NPAS3: variants seen among roughly 807,000 people sequenced by gnomAD.
NPAS3 encodes neuronal PAS domain-containing protein 3.
A neutral mutation model predicts 73.1 loss-of-function variants in NPAS3; 14 were observed. The ratio of observed to expected loss-of-function variants is 0.19; its 90% confidence interval spans 0.13 to 0.30. The LOEUF (loss-of-function observed/expected upper bound fraction) is 0.30. Among genes scored for constraint, NPAS3 ranks in the 10% least tolerant of loss-of-function variants. The probability of loss-of-function intolerance (pLI) is 1.00; values close to 1 mark genes in which losing one functional copy is unlikely to be tolerated. For missense variants in NPAS3, 1,096 were observed against 1,250.0 expected (o/e 0.88, Z 1.86); for synonymous variants, 620 against 541.5 (o/e 1.14, Z -2.01).
chr14:33,047,726 CA>C (rs35481829), intron 1 of NPAS3, among the ~76,000 whole-genome samples: 34 of 152,282 alleles, frequency 2.2e-4, no homozygotes, highest in Non-Finnish European at 3.8e-4. Flanking sequence ...GTAGTTTACA[CA>C]AATGTGAAGG....
intron 3 of NPAS3, among the ~76,000 whole-genome samples, chr14:33,364,638 G>A (rs2045753638): frequency 6.6e-6 from 1 of 152,094 alleles, no homozygotes; most frequent in African/African-American, 2.4e-5. Context: ...AGATTTCTAG[G>A]GGGTTTGGAG....
intron 4 of NPAS3, among the ~76,000 whole-genome samples, chr14:33,409,332 T>A (rs969746206): frequency 2.6e-5 from 4 of 152,160 alleles, no homozygotes; most frequent in South Asian, 2.1e-4. Flanking sequence ...CTTTCCCACT[T>A]TGGTGGCCTT....
intron 2 of NPAS3, among the ~76,000 whole-genome samples, chr14:33,117,299 G>T (rs561119508): frequency 2.6e-5 from 4 of 152,040 alleles, no homozygotes; most frequent in Admixed American, 6.5e-5. Flanking sequence ...GGGGATCATA[G>T]TCAAACTCTA....
chr14:33,793,252 T>TC (rs2063415728), intron 9 of NPAS3, among the ~76,000 whole-genome samples: 1 of 152,234 alleles, frequency 6.6e-6, no homozygotes, highest in Admixed American at 6.5e-5. Flanking sequence ...ATTCTGTGCC[T>TC]CCCTTAGGCC....
At chr14:33,625,387 G>C (rs568696192) in intron 5 of NPAS3, among the ~76,000 whole-genome samples, 1 of 152,316 alleles carries the variant, frequency 6.6e-6, no homozygotes, top group South Asian at 2.1e-4. Context: ...TTCCTTTGCT[G>C]TAACAACAGG....
At chr14:32,965,228 T>C (rs1419803551) in intron 1 of NPAS3, among the ~76,000 whole-genome samples, 1 of 152,056 alleles carries the variant, frequency 6.6e-6, no homozygotes, top group Non-Finnish European at 1.5e-5. Flanking sequence ...AGGCTAACAT[T>C]ACCCTGATAC....
intron 4 of NPAS3, among the ~76,000 whole-genome samples, chr14:33,400,028 C>T (rs112701944): frequency 3.3e-5 from 5 of 152,052 alleles, no homozygotes; most frequent in African/African-American, 1.2e-4. Context: ...ATTTTTTTAC[C>T]CAAAACAATA....
At chr14:32,968,445 C>T (rs1364658546) in intron 1 of NPAS3, among the ~76,000 whole-genome samples, 1 of 152,026 alleles carries the variant, frequency 6.6e-6, no homozygotes, top group Non-Finnish European at 1.5e-5. Context: ...TTGATTTGAA[C>T]TATTAGTATT....
intron 5 of NPAS3, among the ~76,000 whole-genome samples, chr14:33,600,741 G>C (rs962774272): frequency 6.6e-6 from 1 of 152,100 alleles, no homozygotes; most frequent in African/African-American, 2.4e-5. Flanking sequence ...TAACTCACAG[G>C]TCCATTAATA....
At chr14:33,204,708 CAT>C (rs1566674501) in intron 2 of NPAS3, among the ~76,000 whole-genome samples, 1 of 152,090 alleles carries the variant, frequency 6.6e-6, no homozygotes, top group Non-Finnish European at 1.5e-5. Flanking sequence ...CCATAAAGGA[CAT>C]AGAAACCCTA....
intron 3 of NPAS3, among the ~76,000 whole-genome samples, chr14:33,322,587 G>A (rs1379918510): frequency 4.0e-5 from 6 of 151,628 alleles, no homozygotes; most frequent in East Asian, 3.9e-4. Flanking sequence ...TGTCATTGAC[G>A]TTCCCTCATC....
At chr14:33,791,148 C>G (rs2063346873) in intron 9 of NPAS3, among the ~76,000 whole-genome samples, 1 of 152,200 alleles carries the variant, frequency 6.6e-6, no homozygotes, top group East Asian at 1.9e-4. Context: ...CAGGGTAAAA[C>G]CACAGGTCAG....
At chr14:33,067,346 T>G (rs2138620544) in intron 2 of NPAS3, among the ~76,000 whole-genome samples, 1 of 152,344 alleles carries the variant, frequency 6.6e-6, no homozygotes, top group Admixed American at 6.5e-5. Flanking sequence ...ACACAACCAG[T>G]GTCCTGTGAG....
chr14:33,168,914 A>G lies in NPAS3; in HGVS notation c.141-46268A>G, dbSNP rs1434687744. ...AAATTCTTGGCTTTTCCACTGTGCT[A>G]TGAGTTGAAGATACATTGTAATATG... is the stretch of plus-strand genomic sequence containing the variant. On this transcript the variant is annotated intron_variant, in intron 2 of 11. Coordinates refer to ENST00000356141, the Ensembl canonical transcript of NPAS3. Among the ~76,000 whole-genome samples the G allele has an allele frequency of 2.6e-5, 4 of 152,322 alleles. No homozygotes were observed. The East Asian group carries it at 7.7e-4, about 29-fold the overall frequency.
At chr14:33,674,001 T>C (rs916667292) in intron 5 of NPAS3, among the ~76,000 whole-genome samples, 1 of 152,102 alleles carries the variant, frequency 6.6e-6, no homozygotes, top group African/African-American at 2.4e-5. Flanking sequence ...CTTTGAGGTA[T>C]GTTGGTGGGA....
chr14:33,770,501 G>A (rs1230467079), intron 7 of NPAS3, among the ~76,000 whole-genome samples: 3 of 152,114 alleles, frequency 2.0e-5, no homozygotes, highest in Non-Finnish European at 2.9e-5. Context: ...AACTCTTTGA[G>A]GACAGATTTA....
intron 2 of NPAS3, among the ~76,000 whole-genome samples, chr14:33,115,231 G>A (rs78564517): frequency 0.038 from 5,823 of 152,220 alleles, 116 homozygotes; most frequent in African/African-American, 0.048. Flanking sequence ...GTTGGTGGGT[G>A]ATTTGGGACT....
chr14:33,190,657 C>T (rs2046137711), intron 2 of NPAS3, among the ~76,000 whole-genome samples: 1 of 152,152 alleles, frequency 6.6e-6, no homozygotes, highest in Non-Finnish European at 1.5e-5. Flanking sequence ...CCACACACTC[C>T]ACATGCCTTC....
In NPAS3 at chr14:33,450,537, A is replaced by G. The variant is rs1006903683; in HGVS notation, c.468+83269A>G. The stretch of plus-strand genomic sequence containing the variant: ...ACATCTGAGTCTAGATGATATGTGG[A>G]ATAATATGTTCTCAATTTTTCAGTT... On this transcript the variant is annotated intron_variant, in intron 4 of 11. Coordinates refer to ENST00000356141, the Ensembl canonical transcript of NPAS3. 2.4e-4 allele frequency among the ~76,000 whole-genome samples: 36 copies of G among 152,176 alleles called. 1 individual carries two copies. Among genetic ancestry groups the G allele is most frequent in the Non-Finnish European group, 1.3e-4 (9 of 68,022 alleles).
Sources: gnomAD v4.1 joint callset for allele counts (sites outside exome capture counted in the v4.1 genomes callset) on GRCh38, gnomAD v4.1.1 for gene constraint, MANE v1.5 for transcripts, NCBI Gene and HGNC (gene_info 2026-07-23, HGNC 2026-07-21) for gene names.